Variants in ST7 observed in about 807,000 individuals in gnomAD.
The protein encoded by ST7 is suppressor of tumorigenicity 7 protein.
In ST7, 28 loss-of-function variants were observed where a neutral mutation model predicts 78.7. That is an observed-to-expected ratio of 0.36 (90% CI 0.26 to 0.49). The LOEUF (loss-of-function observed/expected upper bound fraction) is 0.49, where lower values mean the gene tolerates loss of function less well. Among genes scored for constraint, ST7 ranks in the 20% least tolerant of loss-of-function variants. ST7 has a pLI of 0.99. For synonymous variants in ST7, 247 were observed against 249.6 expected (o/e 0.99, Z 0.10); for missense variants, 418 against 696.0 (o/e 0.60, Z 4.49).
chr7:117,075,388 G>A (rs772027180), intron 1 of ST7, among the ~76,000 whole-genome samples: 7 of 152,326 alleles, frequency 4.6e-5, no homozygotes, highest in Non-Finnish European at 1.0e-4. Flanking sequence ...GGTAGGTAGA[G>A]AAGGATTAGA....
At chr7:116,958,053 C>T (rs1241955967) in intron 1 of ST7, among the ~76,000 whole-genome samples, 3 of 152,084 alleles carry the variant, frequency 2.0e-5, no homozygotes, top group Admixed American at 6.6e-5. Flanking sequence ...GTGGTGCAGT[C>T]ACAGCTCACT....
At chr7:116,956,586 A>G (rs1777762529) in intron 1 of ST7, 2 of 471,232 alleles carry the variant, frequency 4.2e-6, no homozygotes, top group Non-Finnish European at 8.8e-6. Flanking sequence ...CAGGGCTTCC[A>G]TAGGCCCAGC....
chr7:117,181,065 T>C (rs1808719795), intron 10 of ST7, among the ~76,000 whole-genome samples: 1 of 151,456 alleles, frequency 6.6e-6, no homozygotes, highest in African/African-American at 2.4e-5. Context: ...ATACAGAGAG[T>C]TTTTTTAAAA....
intron 2 of ST7, among the ~76,000 whole-genome samples, chr7:117,105,880 A>T (rs1801912243): frequency 6.6e-6 from 1 of 152,198 alleles, no homozygotes; most frequent in Non-Finnish European, 1.5e-5. Flanking sequence ...AGAATCAGGG[A>T]TTGTTGACCT....
At chr7:116,972,399 C>T (rs1585067506) in intron 1 of ST7, 2 of 684,966 alleles carry the variant, frequency 2.9e-6, no homozygotes, top group Non-Finnish European at 5.2e-6. Context: ...CAGCAGGACT[C>T]AGACACTTCA....
chr7:117,225,584 C>T (rs1399738061), intron 15 of ST7, among the ~76,000 whole-genome samples: 1 of 152,148 alleles, frequency 6.6e-6, no homozygotes, highest in Non-Finnish European at 1.5e-5. Flanking sequence ...TCAGGCCCCT[C>T]CCGAAGCTCC....
At position 117,046,980 on chromosome 7, in the gene ST7, C is replaced by T. The variant is rs528105898; in HGVS notation, c.152-52782C>T. Among the ~76,000 whole-genome samples, 22 of 152,160 alleles carry T rather than the reference C, an allele frequency of 1.4e-4. 1 individual carries two copies. The Middle Eastern group carries it at 0.01, about 71-fold the overall frequency. Reference sequence around the variant, plus strand: ...ATATTGTACTTACCTAACAGTGTTGCCAGGAGGATTTAATGACAGAGCCTG... The same window carrying T: ...ATATTGTACTTACCTAACAGTGTTGTCAGGAGGATTTAATGACAGAGCCTG... On this transcript the variant is annotated intron_variant, in intron 1 of 15. Transcript: ENST00000323984.
Position 116,998,207 on chromosome 7 carries a change from G to T in ST7, c.151+44516G>T, listed in dbSNP as rs911730366. Among the ~76,000 whole-genome samples the T allele has an allele frequency of 2.6e-5, 4 of 152,210 alleles. No homozygotes were observed. The South Asian group carries it at 8.3e-4, about 31-fold the overall frequency. ...CGCTGGCGGGCCGGCACTGCTGGGGGACCCGGCGCACCCTCTGCAGCTGCT... is the reference window on the plus strand; with the variant it reads ...CGCTGGCGGGCCGGCACTGCTGGGGTACCCGGCGCACCCTCTGCAGCTGCT... On this transcript the variant is annotated intron_variant, in intron 1 of 15. Transcript: ENST00000323984.
At chr7:117,029,392 T>C (rs772590268) in intron 1 of ST7, among the ~76,000 whole-genome samples, 33 of 152,190 alleles carry the variant, frequency 2.2e-4, no homozygotes, top group Non-Finnish European at 3.7e-4. Context: ...GTGTATCTTC[T>C]TTCGTTGTGT....
At chr7:117,079,442 C>T (rs1799590492) in intron 1 of ST7, among the ~76,000 whole-genome samples, 1 of 152,124 alleles carries the variant, frequency 6.6e-6, no homozygotes, top group African/African-American at 2.4e-5. Flanking sequence ...TGTTCATGTA[C>T]TATCTTTCTA....
rs548933219 is a variant in ST7 at position 117,028,334 on chromosome 7, T to C, written c.152-71428T>C. Among the ~76,000 whole-genome samples the C allele has an allele frequency of 2.6e-5, 4 of 152,190 alleles. No homozygotes were observed. In the South Asian group the frequency reaches 8.3e-4, roughly 32 times the overall value. On this transcript the variant is annotated intron_variant, in intron 1 of 15. Coordinates refer to ENST00000323984, the MANE Select transcript of ST7 (RefSeq NM_001369598.1). ...TCAGGAACTAGAAAAATTATTTTAC[T>C]TTTTTTTGTGAGCATTTCAGACTGT...
At chr7:117,215,138 C>A (rs1792593533) in intron 13 of ST7, among the ~76,000 whole-genome samples, 1 of 152,092 alleles carries the variant, frequency 6.6e-6, no homozygotes, top group Non-Finnish European at 1.5e-5. Context: ...ATCATTTAAT[C>A]CAACTAAGGG....
rs570795889 is a variant in ST7, at chr7:117,189,222, T to C, written c.1079-99T>C. On this transcript the variant is annotated intron_variant, in intron 10 of 15. Coordinates refer to ENST00000323984, the MANE Select transcript of ST7 (RefSeq NM_001369598.1). ...TATTAAAATATTCTTCATTTATGCT[T>C]TATTGCACTTAAACGTGATTAAAAT... 150 of 708,138 alleles carry C rather than the reference T, an allele frequency of 2.1e-4. 1 individual carries two copies. In the African/African-American group the frequency reaches 2.5e-3, roughly 12 times the overall value. 43.9% of individuals were successfully genotyped at this position (708,138 alleles called of 1,614,324 possible).
At chr7:117,116,290 C>T (rs1011662912) in intron 2 of ST7, among the ~76,000 whole-genome samples, 1 of 152,012 alleles carries the variant, frequency 6.6e-6, no homozygotes, top group Non-Finnish European at 1.5e-5. Context: ...TGTGACAGGC[C>T]CACTGAGCTA....
At chr7:116,973,685 A>C (rs999107116) in intron 1 of ST7, among the ~76,000 whole-genome samples, 5 of 152,196 alleles carry the variant, frequency 3.3e-5, no homozygotes, top group Non-Finnish European at 7.3e-5. Flanking sequence ...TAATGTATTC[A>C]TCAATAATGT....
chr7:117,132,825 C>G (rs1217842835), intron 6 of ST7, among the ~76,000 whole-genome samples: 1 of 151,768 alleles, frequency 6.6e-6, no homozygotes, highest in African/African-American at 2.4e-5. Context: ...GTGTGTCATC[C>G]ATATTTCTGA....
chr7:117,000,090 C>T (rs954178546), intron 1 of ST7, among the ~76,000 whole-genome samples: 5 of 152,138 alleles, frequency 3.3e-5, no homozygotes, highest in Non-Finnish European at 7.4e-5. Context: ...GGATTACAGG[C>T]GTGAGCCACT....
intron 1 of ST7, among the ~76,000 whole-genome samples, chr7:117,019,277 CTT>C (rs915767929): frequency 1.3e-5 from 2 of 152,064 alleles, no homozygotes; most frequent in Admixed American, 6.5e-5. Context: ...TAACAAAACT[CTT>C]TTTTTGGCTT....
At chr7:116,981,125 T>G (rs1478486481) in intron 1 of ST7, among the ~76,000 whole-genome samples, 1 of 152,082 alleles carries the variant, frequency 6.6e-6, no homozygotes, top group Non-Finnish European at 1.5e-5. Flanking sequence ...TTTTTTTTTT[T>G]AAATAGACAA....
Sources: allele counts gnomAD v4.1 joint callset (sites outside exome capture counted in the v4.1 genomes callset), GRCh38; gene constraint gnomAD v4.1.1; transcripts MANE v1.5; gene names NCBI Gene and HGNC (gene_info 2026-07-23, HGNC 2026-07-21).